Variants in WTIP observed in about 807,000 individuals in gnomAD.
The protein encoded by WTIP is WT1 interacting protein.
Under a neutral mutation model 41.7 loss-of-function variants are expected in WTIP, and 23 were observed. The ratio of observed to expected loss-of-function variants is 0.55; its 90% CI spans 0.40 to 0.78. WTIP has a LOEUF of 0.78. Ranked by LOEUF, WTIP falls within the 30% of genes least tolerant of loss-of-function variation. The pLI, the probability that WTIP is intolerant of heterozygous loss-of-function variation, is 0.00. For missense variants in WTIP, 619 were observed against 610.5 expected, an observed-to-expected ratio of 1.01 and a Z score of -0.15; for synonymous variants, 314 against 269.9, an observed-to-expected ratio of 1.16 and a Z score of -1.60.
intron 1 of WTIP, among the ~76,000 whole-genome samples, chr19:34,487,873 G>A (rs2075805591): frequency 1.3e-5 from 2 of 152,228 alleles, no homozygotes; most frequent in Admixed American, 1.3e-4. Flanking sequence ...AGATGTATGG[G>A]CTACTTGCCT....
In WTIP at chr19:34,507,496, C is replaced by A. The variant is rs1255888569; in HGVS notation, c.*7227C>A. ...CAGTTGAATCTGTGTCTTGTGCCCC[C>A]TGAGGGTCTGCCCGGTCACATCCCC... On this transcript the variant is annotated 3_prime_UTR_variant, in exon 8 of 8. Coordinates refer to ENST00000590071, the MANE Select transcript of WTIP (RefSeq NM_001080436.2). 6.6e-6 allele frequency: 1 copy of A among 152,062 alleles called. No individual in the cohort carries two copies. The highest frequency in any genetic ancestry group is 1.5e-5 in the Non-Finnish European group (1 of 68,042). 9.4% of individuals were successfully genotyped at this position (152,062 alleles called of 1,614,324 possible).
intron 7 of WTIP, 133 bp downstream of exon 7, chr19:34,495,904 C>A (rs969063115): frequency 1.7e-5 from 15 of 862,044 alleles, no homozygotes; most frequent in Non-Finnish European, 2.7e-5. Flanking sequence ...TGCCTGTAAT[C>A]CCAGCACTTT....
At chr19:34,483,505 G>C (rs944775817) in intron 1 of WTIP, among the ~76,000 whole-genome samples, 1 of 152,204 alleles carries the variant, frequency 6.6e-6, no homozygotes, top group Non-Finnish European at 1.5e-5. Flanking sequence ...TGATGGTAGC[G>C]GCTGGAGAGG....
chr19:34,492,936 C>G, intron 2 of WTIP, 101 bp from the exon 3 acceptor site: 1 of 1,125,682 alleles, frequency 8.9e-7, no homozygotes, highest in Non-Finnish European at 1.3e-6. Flanking sequence ...ACCCATAACC[C>G]AGTGTCTCAT....
Position 34,481,950 on chromosome 19 carries a change from C to T in WTIP, c.-25C>T. The T allele has an allele frequency of 1.0e-6, 1 of 995,346 alleles. No homozygotes were observed. Among genetic ancestry groups the T allele is most frequent in the South Asian group, 4.5e-5 (1 of 22,212 alleles). The allele number at this position is 995,346 out of a possible 1,614,324, so 61.7% of individuals were successfully genotyped here. On this transcript the variant is annotated 5_prime_UTR_variant, in exon 1 of 8. The change creates a new upstream start codon in the 5' untranslated region. Transcript: ENST00000590071. ...CGGCGGGAAGCGGAGGCGGAGGTGA[C>T]GCGCCAGGGCCGGCGGGCCGGGCCA...
At chr19:34,486,786 G>T (rs575041650) in intron 1 of WTIP, among the ~76,000 whole-genome samples, 1 of 151,986 alleles carries the variant, frequency 6.6e-6, no homozygotes, top group African/African-American at 2.4e-5. Flanking sequence ...CTTCACCACC[G>T]TCCTGCCCCT....
In WTIP at chr19:34,484,019, CT is replaced by C. The variant is rs543478269; in HGVS notation, c.667+1379del. ...TTGGCTCACTGCAACCTCCGACTCC[CT>C]GGTTCAAGCGATTCTCCTGCCTCAG... On this transcript the variant is annotated intron_variant, in intron 1 of 7. Coordinates refer to ENST00000590071, the MANE Select transcript of WTIP (RefSeq NM_001080436.2). Among the ~76,000 whole-genome samples the C allele has an allele frequency of 2.3e-3, 339 of 149,062 alleles. 1 individual carries two copies. Among genetic ancestry groups the C allele is most frequent in the African/African-American group, 8.0e-3 (324 of 40,302 alleles).
rs2145619601 is a variant in WTIP, at chr19:34,508,174, A to G, written c.*7905A>G. 1 of 152,182 alleles carries G rather than the reference A, an allele frequency of 6.6e-6. No individual in the cohort carries two copies. The highest frequency in any genetic ancestry group is 2.4e-5 in the African/African-American group (1 of 41,488). The allele number at this position is 152,182 out of a possible 1,614,324, so 9.4% of individuals were successfully genotyped here. On this transcript the variant is annotated 3_prime_UTR_variant, in exon 8 of 8. Transcript: ENST00000590071. ...GTACAGCCTCGGCCTCCCGGGTTCA[A>G]GTGACTCTCCGGCCTCAGCCTCCCA...
In WTIP at chr19:34,500,479, C is replaced by T. The variant is rs961650450; in HGVS notation, c.*210C>T. On this transcript the variant is annotated 3_prime_UTR_variant, in exon 8 of 8. Coordinates refer to ENST00000590071, the MANE Select transcript of WTIP (RefSeq NM_001080436.2). ...TTCCCTGCGGGCCCTGCCTCCCACCCACCCCATCACCAGCTTTCCACTTGG... is the reference window on the plus strand; with the variant it reads ...TTCCCTGCGGGCCCTGCCTCCCACCTACCCCATCACCAGCTTTCCACTTGG... The T allele has an allele frequency of 3.1e-5, 20 of 644,302 alleles. No homozygotes were observed. In the African/African-American group the frequency reaches 3.3e-4, roughly 11 times the overall value. The allele number at this position is 644,302 out of a possible 1,614,324, so 39.9% of individuals were successfully genotyped here.
rs143805918 is a variant in WTIP at position 34,508,496 on chromosome 19, G to A, written c.*8227G>A. ...AGCCTCTTTGGTTTTAGTTTTAAAG[G>A]TGCATTGACCCATGTACCTTTGCAT... On this transcript the variant is annotated 3_prime_UTR_variant, in exon 8 of 8. Coordinates refer to ENST00000590071, the MANE Select transcript of WTIP (RefSeq NM_001080436.2). 2.6e-5 allele frequency: 4 copies of A among 152,264 alleles called. No individual in the cohort carries two copies. The highest frequency in any genetic ancestry group is 6.5e-5 in the Admixed American group (1 of 15,304). 9.4% of individuals were successfully genotyped at this position (152,264 alleles called of 1,614,324 possible).
chr19:34,500,087 T>C (rs764958619), intron 7 of WTIP, 42 bp from the exon 8 acceptor site: 31 of 1,592,188 alleles, frequency 1.9e-5, no homozygotes, highest in Middle Eastern at 1.7e-4. Context: ...TGATGTGCGC[T>C]TGTCTGCTGA....
In WTIP at chr19:34,495,754, G is replaced by A. The variant is rs1344240367; in HGVS notation, c.1135G>A (p.Ala379Thr). 3.1e-6 allele frequency: 5 copies of A among 1,613,656 alleles called. No individual in the cohort carries two copies. The highest frequency in any genetic ancestry group is 4.2e-6 in the Non-Finnish European group (5 of 1,179,956). The part of the protein sequence containing the change: ...VVSMDRDYHV[A>T]CYHCEDCGLQ... ...GTCCATGGACAGAGACTACCACGTGGCATGTTACCACTGTGAGGTGAGCCT... is the reference window on the plus strand; with the variant it reads ...GTCCATGGACAGAGACTACCACGTGACATGTTACCACTGTGAGGTGAGCCT... The change falls in exon 7 of 8, where the codon GCA (alanine) becomes ACA (threonine). Residue 379 changes from alanine (A) to threonine (T), a missense_variant. By Grantham distance (58) the Ala-to-Thr change is moderately conservative (BLOSUM62 0). Around this residue, in one of 3 missense-constraint regions of WTIP, gnomAD observed 92 missense variants for 82.4 expected, o/e 1.12. Coordinates refer to ENST00000590071, the MANE Select transcript of WTIP (RefSeq NM_001080436.2).
In WTIP at chr19:34,506,514, T is replaced by A. The variant is rs916920887; in HGVS notation, c.*6245T>A. 1 of 152,182 alleles carries A rather than the reference T, an allele frequency of 6.6e-6. No homozygotes were observed. Among genetic ancestry groups the A allele is most frequent in the Non-Finnish European group, 1.5e-5 (1 of 68,052 alleles). 9.4% of individuals were successfully genotyped at this position (152,182 alleles called of 1,614,324 possible). Reference sequence around the variant, plus strand: ...GTTCACGCCTGTAATCCCAGCACTTTGGGAGGCCGTGGCGGATAGGTCACT... The same window carrying A: ...GTTCACGCCTGTAATCCCAGCACTTAGGGAGGCCGTGGCGGATAGGTCACT... On this transcript the variant is annotated 3_prime_UTR_variant, in exon 8 of 8. Coordinates refer to ENST00000590071, the MANE Select transcript of WTIP (RefSeq NM_001080436.2).
intron 7 of WTIP, among the ~76,000 whole-genome samples, chr19:34,497,985 T>C (rs953938378): frequency 6.6e-6 from 1 of 152,060 alleles, no homozygotes; most frequent in African/African-American, 2.4e-5. Flanking sequence ...CGCGAGGCTG[T>C]TGGATGGGGA....
At position 34,488,075 on chromosome 19, in the gene WTIP, C is replaced by CT. The variant is rs1336174285; in HGVS notation, c.668-2287dup. 1.7e-3 allele frequency among the ~76,000 whole-genome samples: 251 copies of CT among 148,164 alleles called. 1 individual carries two copies. The highest frequency in any genetic ancestry group is 3.7e-3 in the African/African-American group (152 of 41,056). The stretch of plus-strand genomic sequence containing the variant: ...AGCGACCCTCATGTCTGTCTGCTTC[C>CT]TTTTTTTTTTTTTTCTTTGAGACGG... On this transcript the variant is annotated intron_variant, in intron 1 of 7. Transcript: ENST00000590071.
rs533000137 is a variant in WTIP at position 34,511,324 on chromosome 19, G to A, written c.*11055G>A. 2 of 152,194 alleles carry A rather than the reference G, an allele frequency of 1.3e-5. No individual in the cohort carries two copies. The highest frequency in any genetic ancestry group is 4.8e-5 in the African/African-American group (2 of 41,524). 9.4% of individuals were successfully genotyped at this position (152,194 alleles called of 1,614,324 possible). ...TCTCGTGAGACATATTCACTACCAT[G>A]AGAACAATATGGGGGAAACTGCCCC... On this transcript the variant is annotated 3_prime_UTR_variant, in exon 8 of 8. Coordinates refer to ENST00000590071, the MANE Select transcript of WTIP (RefSeq NM_001080436.2).
At position 34,509,272 on chromosome 19, in the gene WTIP, TCCACATGGCTGGGGAGGCCTCAGCCTC is replaced by T. The variant is rs368598932; in HGVS notation, c.*9025_*9051del. On this transcript the variant is annotated 3_prime_UTR_variant, in exon 8 of 8. Transcript: ENST00000590071. ...AAAGAGGTTTAATTGGATTTACAGTTCCACATGGCTGGGGAGGCCTCAGCCTCCCACATGGCTGGGGAGGCCTCCCAC... is the reference window on the plus strand; with the variant it reads ...AAAGAGGTTTAATTGGATTTACAGTTCCACATGGCTGGGGAGGCCTCCCAC... 6,011 of 152,118 alleles carry T rather than the reference TCCACATGGCTGGGGAGGCCTCAGCCTC, an allele frequency of 0.04. 223 individuals carry two copies. The highest frequency in any genetic ancestry group is 0.099 in the African/African-American group (4,089 of 41,468). The allele number at this position is 152,118 out of a possible 1,614,324, so 9.4% of individuals were successfully genotyped here.
At position 34,490,260 on chromosome 19, in the gene WTIP, TAGGAAAGTTAGCATCCCCC is replaced by T. The variant is rs796445748; in HGVS notation, c.668-112_668-94del. 4.6e-5 allele frequency: 41 copies of T among 896,212 alleles called. 1 individual carries two copies. The African/African-American group carries it at 5.6e-4, about 12-fold the overall frequency. 55.5% of individuals were successfully genotyped at this position (896,212 alleles called of 1,614,324 possible). On this transcript the variant is annotated intron_variant, in intron 1 of 7. Transcript: ENST00000590071. ...CATCAGTAATCGAGTGATGTTGGCC[TAGGAAAGTTAGCATCCCCC>T]AGGTCAAGCGGGTGGGCGGTGTCAA...
In WTIP at chr19:34,482,593, C is replaced by A. The variant is rs984185684; in HGVS notation, c.619C>A (p.Arg207=). 1 of 1,230,442 alleles carries A rather than the reference C, an allele frequency of 8.1e-7. No homozygotes were observed. The highest frequency in any genetic ancestry group is 1.0e-6 in the Non-Finnish European group (1 of 987,472). The allele number at this position is 1,230,442 out of a possible 1,614,324, so 76.2% of individuals were successfully genotyped here. ...AAERRLEALT[R]ELERALEART... Reference sequence around the variant, plus strand: ...CGAGCGGCGGCTGGAGGCGCTCACCCGGGAGCTGGAGCGGGCGCTCGAGGC... The same window carrying A: ...CGAGCGGCGGCTGGAGGCGCTCACCAGGGAGCTGGAGCGGGCGCTCGAGGC... Residue 207 remains arginine, a synonymous_variant, in exon 1 of 8, where the codon CGG becomes AGG. Coordinates refer to ENST00000590071, the MANE Select transcript of WTIP (RefSeq NM_001080436.2).
Sources: allele counts gnomAD v4.1 joint callset (sites outside exome capture counted in the v4.1 genomes callset), GRCh38; gene constraint gnomAD v4.1.1; regional missense constraint gnomAD v4.1.1; transcripts MANE v1.5; gene names NCBI Gene and HGNC (gene_info 2026-07-23, HGNC 2026-07-21).